The following PRPF31 variants were observed in gnomAD, a reference collection of about 807,000 sequenced individuals.
The protein encoded by PRPF31 is pre-mRNA processing factor 31, also known as U4/U6 small nuclear ribonucleoprotein Prp31.
PRPF31 carries 12 observed loss-of-function variants against 60.4 expected under a neutral mutation model. The ratio of observed to expected loss-of-function variants is 0.20; its 90% confidence interval spans 0.13 to 0.32. The LOEUF (loss-of-function observed/expected upper bound fraction) is 0.32. Among genes scored for constraint, PRPF31 ranks in the 10% least tolerant of loss-of-function variants. PRPF31 has a pLI of 1.00. For missense variants in PRPF31, 431 were observed against 687.1 expected (o/e 0.63, Z 4.17); for synonymous variants, 287 against 287.9 (o/e 1.00, Z 0.03).
At chr19:54,128,245 G>C in intron 10 of PRPF31, 45 bp downstream of exon 10, 1 of 1,561,634 alleles carries the variant, frequency 6.4e-7, no homozygotes, top group Non-Finnish European at 8.7e-7. Context: ...TCATGGAGGG[G>C]AGAAGCCGGC....
At chr19:54,120,637 G>T (rs1178973920) in intron 3 of PRPF31, among the ~76,000 whole-genome samples, 8 of 152,072 alleles carry the variant, frequency 5.3e-5, no homozygotes, top group East Asian at 3.9e-4. Flanking sequence ...TTGAGACAGG[G>T]TCTCACTCTG....
chr19:54,124,830 C>T (rs587622591), intron 8 of PRPF31, 174 bp downstream of exon 8: 1 of 753,056 alleles, frequency 1.3e-6, no homozygotes, highest in East Asian at 2.7e-5. Flanking sequence ...AGCTCCAGCA[C>T]CCACCAGTCA....
chr19:54,118,527 C>T lies in PRPF31; in HGVS notation c.178-46C>T, dbSNP rs587683190. 5.6e-6 allele frequency: 9 copies of T among 1,613,748 alleles called. No individual in the cohort carries two copies. The South Asian group carries it at 9.9e-5, about 18-fold the overall frequency. On this transcript the variant is annotated intron_variant, in intron 2 of 13. Coordinates refer to ENST00000321030, the MANE Select transcript of PRPF31 (RefSeq NM_015629.4). ...TCCCAGAAGGGGGTGATACAGGCTT[C>T]TTTTTGAAGAGTGCTGGATTCTGAC... is the stretch of plus-strand genomic sequence containing the variant.
intron 1 of PRPF31, 38 bp from the exon 2 acceptor site, chr19:54,118,233 G>A (rs766053387): frequency 9.9e-6 from 16 of 1,611,868 alleles, no homozygotes; most frequent in East Asian, 6.7e-5. Context: ...GGACTTTGTC[G>A]GGGCAAGTTT....
intron 9 of PRPF31, among the ~76,000 whole-genome samples, chr19:54,127,755 C>T (rs2073954156): frequency 6.6e-6 from 1 of 152,226 alleles, no homozygotes; most frequent in Non-Finnish European, 1.5e-5. Context: ...TCCGTGTCCC[C>T]TTCTCCTTTC....
intron 1 of PRPF31, among the ~76,000 whole-genome samples, chr19:54,117,012 T>C (rs1330753502): frequency 1.3e-5 from 2 of 152,138 alleles, no homozygotes; most frequent in Admixed American, 6.5e-5. Flanking sequence ...GGAGAATCGC[T>C]TGAGCCCAGG....
At chr19:54,127,110 A>C (rs1238037932) in intron 9 of PRPF31, among the ~76,000 whole-genome samples, 1 of 152,090 alleles carries the variant, frequency 6.6e-6, no homozygotes, top group Non-Finnish European at 1.5e-5. Context: ...ACATAGCGAG[A>C]CTCCATCTAA....
chr19:54,130,065 GCCGGGCGCAGACAGC>G, intron 13 of PRPF31, among the ~76,000 whole-genome samples: 1 of 151,302 alleles, frequency 6.6e-6, no homozygotes, highest in Admixed American at 6.6e-5. Context: ...GAAATGCCAG[GCCGGGCGCAGACAGC>G]TCAGTAAGAT....
intron 8 of PRPF31, 104 bp from the exon 9 acceptor site, chr19:54,126,424 C>A: frequency 9.1e-7 from 1 of 1,103,594 alleles, no homozygotes; most frequent in Non-Finnish European, 1.3e-6. Flanking sequence ...AGCCCCCTTC[C>A]AGGACCCCAG....
Position 54,129,047 on chromosome 19 carries a change from TC to T in PRPF31, c.1147-4del, listed in dbSNP as rs112173452. 1.3e-6 allele frequency: 2 copies of T among 1,565,338 alleles called. No homozygotes were observed. The highest frequency in any genetic ancestry group is 1.7e-6 in the Non-Finnish European group (2 of 1,155,730). ...TCGCTGAACTGCAGGGCGCCTCCTCTCCCCCCTAGATCGAGGAGGACGCCTA... is the reference window on the plus strand; with the variant it reads ...TCGCTGAACTGCAGGGCGCCTCCTCTCCCCCTAGATCGAGGAGGACGCCTA... On this transcript the variant is annotated splice_polypyrimidine_tract_variant and intron_variant, in intron 11 of 13. Coordinates refer to ENST00000321030, the MANE Select transcript of PRPF31 (RefSeq NM_015629.4).
At chr19:54,116,502 G>T (rs1043127183) in intron 1 of PRPF31, among the ~76,000 whole-genome samples, 1 of 152,110 alleles carries the variant, frequency 6.6e-6, no homozygotes, top group Non-Finnish European at 1.5e-5. Flanking sequence ...CACCGCTCCC[G>T]GCCTTTTACA....
chr19:54,121,999 C>T (rs2073803350), intron 4 of PRPF31, 56 bp downstream of exon 4: 1 of 1,524,088 alleles, frequency 6.6e-7, no homozygotes, highest in Non-Finnish European at 8.9e-7. Context: ...CACGCCCCCT[C>T]TCCCTTCCCC....
At chr19:54,125,786 G>A (rs1315179104) in intron 8 of PRPF31, among the ~76,000 whole-genome samples, 5 of 152,198 alleles carry the variant, frequency 3.3e-5, no homozygotes, top group African/African-American at 1.2e-4. Flanking sequence ...CCCATCCTGG[G>A]AGGAGAGAGA....
At chr19:54,129,410 C>T (rs369336101) in intron 13 of PRPF31, 40 bp downstream of exon 13, 910 of 1,552,084 alleles carry the variant, frequency 5.9e-4, no homozygotes, top group Non-Finnish European at 7.7e-4. Context: ...GCCCTGAGAC[C>T]TTGGCAAGGC....
intron 5 of PRPF31, 25 bp from the exon 6 acceptor site, chr19:54,123,429 C>G (rs764437546): frequency 1.1e-5 from 17 of 1,586,148 alleles, no homozygotes; most frequent in Non-Finnish European, 1.5e-5. Flanking sequence ...CCCGAGCCTC[C>G]CCTATCTTCT....
At chr19:54,124,450 C>G (rs199923722) in intron 7 of PRPF31, 49 bp from the exon 8 acceptor site, 21 of 1,503,024 alleles carry the variant, frequency 1.4e-5, no homozygotes, top group Non-Finnish European at 1.2e-5. Flanking sequence ...ACCCCCACCT[C>G]TCTGCTTTCT....
chr19:54,123,468 C>T lies in PRPF31; in HGVS notation c.435C>T (p.Ser145=). The part of the protein sequence containing the change: ...YIRTVKELGN[S]LDKCKNNENL... ...CTCGCCCCCAGGAGCTGGGCAACAG[C>T]CTGGACAAGTGCAAGAACAATGAGA... The change falls in exon 6 of 14, where the codon AGC becomes AGT. Residue 145 remains serine, a synonymous_variant. Coordinates refer to ENST00000321030, the MANE Select transcript of PRPF31 (RefSeq NM_015629.4). The T allele has an allele frequency of 1.2e-6, 2 of 1,614,170 alleles. No homozygotes were observed. The highest frequency in any genetic ancestry group is 1.7e-6 in the Non-Finnish European group (2 of 1,180,020).
At chr19:54,125,584 A>G (rs1340063248) in intron 8 of PRPF31, among the ~76,000 whole-genome samples, 1 of 151,658 alleles carries the variant, frequency 6.6e-6, no homozygotes, top group African/African-American at 2.4e-5. Flanking sequence ...GAGTTACCTC[A>G]GGCTCACGGC....
In PRPF31 at chr19:54,123,446, G is replaced by T. The variant is rs756946386; in HGVS notation, c.421-8G>T. On this transcript the variant is annotated splice_polypyrimidine_tract_variant and splice_region_variant and intron_variant, in intron 5 of 13. Transcript: ENST00000321030. ...CGAGCCTCCCCTATCTTCTCTGCTCGCCCCCAGGAGCTGGGCAACAGCCTG... is the reference window on the plus strand; with the variant it reads ...CGAGCCTCCCCTATCTTCTCTGCTCTCCCCCAGGAGCTGGGCAACAGCCTG... The T allele has an allele frequency of 6.2e-7, 1 of 1,611,414 alleles. No individual in the cohort carries two copies. Among genetic ancestry groups the T allele is most frequent in the Non-Finnish European group, 8.5e-7 (1 of 1,177,616 alleles).
Sources: allele counts gnomAD v4.1 joint callset (sites outside exome capture counted in the v4.1 genomes callset), GRCh38; gene constraint gnomAD v4.1.1; transcripts MANE v1.5; gene names NCBI Gene and HGNC (gene_info 2026-07-23, HGNC 2026-07-21).